Variants in GALNT17 observed in about 807,000 individuals in gnomAD.
GALNT17 encodes UDP-GalNAc:polypeptide N-acetylgalactosaminyltransferase-like 3.
Under a neutral mutation model 63.7 loss-of-function variants are expected in GALNT17, and 29 were observed. The observed-to-expected ratio is 0.46, with a 90% CI of 0.34 to 0.62. The LOEUF is 0.62. GALNT17 is among the 20% of genes least tolerant of loss of function. GALNT17 has a pLI of 0.01. For synonymous variants in GALNT17, 305 were observed against 318.3 expected (o/e 0.96, Z 0.45); for missense variants, 603 against 799.6 (o/e 0.75, Z 2.97).
chr7:71,558,906 GT>G (rs1298182356), intron 5 of GALNT17, among the ~76,000 whole-genome samples: 1 of 152,076 alleles, frequency 6.6e-6, no homozygotes, highest in Non-Finnish European at 1.5e-5. Context: ...CACCACTGGC[GT>G]TTTTTTCTGC....
chr7:71,366,516 G>T (rs1407505689), intron 2 of GALNT17, among the ~76,000 whole-genome samples: 2 of 152,154 alleles, frequency 1.3e-5, no homozygotes, highest in Admixed American at 6.5e-5. Flanking sequence ...GGGAAGCGGA[G>T]GTTGCAGTGA....
rs576991661 is a variant in GALNT17 at position 71,225,512 on chromosome 7, T to TG, written c.238+92473dup. Among the ~76,000 whole-genome samples the TG allele has an allele frequency of 4.1e-3, 627 of 152,322 alleles. 3 individuals carry two copies. Among genetic ancestry groups the TG allele is most frequent in the Non-Finnish European group, 6.2e-3 (420 of 68,024 alleles). ...CTCACTGCCTCAGGCCTTCTGTTAG[T>TG]GAGAAACGCCAATTAAGTTCAGTGA... On this transcript the variant is annotated intron_variant, in intron 1 of 10. Coordinates refer to ENST00000333538, the MANE Select transcript of GALNT17 (RefSeq NM_022479.3).
chr7:71,418,666 C>G (rs112494380), intron 4 of GALNT17, among the ~76,000 whole-genome samples: 56 of 152,312 alleles, frequency 3.7e-4, no homozygotes, highest in African/African-American at 1.3e-3. Flanking sequence ...GAATTGGAGA[C>G]TGGGGGAAGG....
At chr7:71,617,283 G>A (rs1790225171) in intron 6 of GALNT17, among the ~76,000 whole-genome samples, 1 of 128,764 alleles carries the variant, frequency 7.8e-6, no homozygotes. Flanking sequence ...TTGATAGATA[G>A]TATTTTTGGT....
intron 1 of GALNT17, chr7:71,301,033 A>G (rs1375079399): frequency 6.6e-6 from 1 of 152,176 alleles, no homozygotes; most frequent in Non-Finnish European, 1.5e-5. Flanking sequence ...CACATCTATA[A>G]TTCCAGTACT....
At chr7:71,238,251 C>A (rs2116461276) in intron 1 of GALNT17, among the ~76,000 whole-genome samples, 1 of 152,280 alleles carries the variant, frequency 6.6e-6, no homozygotes, top group South Asian at 2.1e-4. Flanking sequence ...TGCAGTATTT[C>A]AGGCATGGAG....
At chr7:71,289,874 C>T (rs779917132) in intron 1 of GALNT17, among the ~76,000 whole-genome samples, 14 of 144,490 alleles carry the variant, frequency 9.7e-5, no homozygotes, top group African/African-American at 2.5e-4. Context: ...AGCAAAACCC[C>T]GTCTCAAAAG....
At chr7:71,201,371 G>A (rs1423691587) in intron 1 of GALNT17, among the ~76,000 whole-genome samples, 1 of 151,258 alleles carries the variant, frequency 6.6e-6, no homozygotes, top group East Asian at 1.9e-4. Context: ...TGCCTGCTGA[G>A]AACTCAGATA....
At chr7:71,166,378 G>A (rs536168438) in intron 1 of GALNT17, among the ~76,000 whole-genome samples, 259 of 152,252 alleles carry the variant, frequency 1.7e-3, no homozygotes, top group Non-Finnish European at 2.4e-3. Flanking sequence ...AAAACTGCAC[G>A]TTTAAAGGGT....
intron 1 of GALNT17, among the ~76,000 whole-genome samples, chr7:71,283,113 CCTCAAA>C (rs1475274327): frequency 1.3e-5 from 2 of 150,084 alleles, no homozygotes; most frequent in African/African-American, 4.9e-5. Flanking sequence ...CTCGTGGTAA[CCTCAAA>C]CTCCTAGGGT....
At chr7:71,253,839 C>A (rs1176162874) in intron 1 of GALNT17, among the ~76,000 whole-genome samples, 2 of 152,158 alleles carry the variant, frequency 1.3e-5, no homozygotes, top group Non-Finnish European at 2.9e-5. Context: ...GATACAGGAC[C>A]GTGACCCTTT....
At chr7:71,566,664 C>CTTT (rs568457006) in intron 5 of GALNT17, among the ~76,000 whole-genome samples, 5 of 131,612 alleles carry the variant, frequency 3.8e-5, no homozygotes, top group Admixed American at 7.9e-5. Context: ...CGAGATAAAG[C>CTTT]TTTTTTTTTT....
At chr7:71,190,520 G>A (rs1788931644) in intron 1 of GALNT17, among the ~76,000 whole-genome samples, 2 of 152,122 alleles carry the variant, frequency 1.3e-5, no homozygotes, top group Non-Finnish European at 2.9e-5. Context: ...TTCCTGTATG[G>A]CCTCCAGAAA....
At chr7:71,244,097 G>C (rs1382929700) in intron 1 of GALNT17, among the ~76,000 whole-genome samples, 1 of 152,202 alleles carries the variant, frequency 6.6e-6, no homozygotes, top group Non-Finnish European at 1.5e-5. Context: ...TAGCAGTTAA[G>C]AAGAGAGTGT....
At chr7:71,673,751 A>G (rs970095093) in intron 8 of GALNT17, among the ~76,000 whole-genome samples, 7 of 152,152 alleles carry the variant, frequency 4.6e-5, no homozygotes, top group African/African-American at 1.7e-4. Flanking sequence ...AGTAGCTGGG[A>G]CTACAGGTAC....
At chr7:71,144,464 G>A (rs58583101) in intron 1 of GALNT17, among the ~76,000 whole-genome samples, 6,594 of 152,240 alleles carry the variant, frequency 0.043, 182 homozygotes, top group African/African-American at 0.075. Context: ...GCTGCAAGAG[G>A]CAGCTTAGAT....
intron 6 of GALNT17, among the ~76,000 whole-genome samples, chr7:71,580,511 G>C (rs1392035264): frequency 6.6e-6 from 1 of 152,148 alleles, no homozygotes; most frequent in East Asian, 1.9e-4. Context: ...AGAAGTAAGA[G>C]GATTAGACTT....
chr7:71,525,580 C>T (rs927964805), intron 5 of GALNT17, among the ~76,000 whole-genome samples: 4 of 151,696 alleles, frequency 2.6e-5, no homozygotes, highest in African/African-American at 9.7e-5. Flanking sequence ...TCGTTTAGTT[C>T]TCATTCTCTC....
intron 5 of GALNT17, among the ~76,000 whole-genome samples, chr7:71,465,214 T>G (rs1414327358): frequency 2.0e-5 from 3 of 152,214 alleles, no homozygotes; most frequent in African/African-American, 7.2e-5. Context: ...TGCTTACTTG[T>G]GGGTATACCC....
Sources: allele counts gnomAD v4.1 joint callset (sites outside exome capture counted in the v4.1 genomes callset), GRCh38; gene constraint gnomAD v4.1.1; transcripts MANE v1.5; gene names NCBI Gene and HGNC (gene_info 2026-07-23, HGNC 2026-07-21).